Variants in POM121C observed in about 807,000 individuals in gnomAD.
POM121C encodes the protein POM121 transmembrane nucleoporin C.
Under a neutral mutation model 66.4 loss-of-function variants are expected in POM121C, and 20 were observed. The ratio of observed to expected loss-of-function variants is 0.30; its 90% confidence interval spans 0.21 to 0.44. POM121C has a LOEUF of 0.44. Among genes scored for constraint, POM121C ranks in the 20% least tolerant of loss-of-function variants. The pLI, the probability that POM121C is intolerant of heterozygous loss-of-function variation, is 1.00. For synonymous variants in POM121C, 286 were observed against 528.0 expected (o/e 0.54, Z 6.28); for missense variants, 580 against 1,225.7 (o/e 0.47, Z 7.87).
At chr7:75,485,457 G>T (rs1231591778) in intron 1 of POM121C, among the ~76,000 whole-genome samples, 7 of 152,158 alleles carry the variant, frequency 4.6e-5, no homozygotes, top group African/African-American at 7.2e-5. Context: ...CAGCAGCAGA[G>T]AATCCCTGCA....
At chr7:75,462,716 G>C (rs1291833463) in intron 3 of POM121C, among the ~76,000 whole-genome samples, 21 of 151,542 alleles carry the variant, frequency 1.4e-4, no homozygotes, top group Non-Finnish European at 3.1e-4. Context: ...CAGAAAAGTG[G>C]CTACACAGAG....
At chr7:75,465,476 C>T (rs587706361) in intron 3 of POM121C, among the ~76,000 whole-genome samples, 1 of 151,458 alleles carries the variant, frequency 6.6e-6, no homozygotes. Flanking sequence ...TGAGTCCGGC[C>T]TGGCACAGTG....
rs1792510453 is a variant in POM121C at position 75,485,748 on chromosome 7, C to T, written c.-458+116G>A. ...CCGGACCCTGCCCTCAAACCCAACA[C>T]ATGTCTCTCCGGCAAGCAATCGGGA... On this transcript the variant is annotated intron_variant, in intron 1 of 14. Coordinates refer to ENST00000615331, the MANE Select transcript of POM121C (RefSeq NM_001099415.3). 2.3e-5 allele frequency: 9 copies of T among 399,956 alleles called. 1 individual carries two copies. Among genetic ancestry groups the T allele is most frequent in the South Asian group, 1.6e-4 (9 of 55,058 alleles). 24.8% of individuals were successfully genotyped at this position (399,956 alleles called of 1,614,324 possible).
chr7:75,468,710 T>C (rs1385450435), intron 3 of POM121C, among the ~76,000 whole-genome samples: 6 of 152,156 alleles, frequency 3.9e-5, no homozygotes, highest in Admixed American at 6.6e-5. Context: ...TTTGGATATC[T>C]AACTAACACC....
chr7:75,419,425 A>G lies in POM121C; in HGVS notation c.2761T>C (p.Phe921Leu). 1 of 1,613,538 alleles carries G rather than the reference A, an allele frequency of 6.2e-7. No individual in the cohort carries two copies. The highest frequency in any genetic ancestry group is 2.2e-5 in the East Asian group (1 of 44,866). Reference protein sequence around the residue: ...PVFGGTATPTFGQNTPAPGVG... With the variant: ...PVFGGTATPTLGQNTPAPGVG... The stretch of plus-strand genomic sequence containing the variant: ...CCAGGCGCAGGGGTGTTCTGACCAA[A>G]GGTGGGGGTGGCGGTGCCTGGAATG... Residue 921 changes from phenylalanine (F) to leucine (L), a missense_variant, in exon 14 of 15, where the codon TTT becomes CTT. Transcript: ENST00000615331.
chr7:75,479,547 C>T lies in POM121C; in HGVS notation c.-457-4359G>A, dbSNP rs587766289. Among the ~76,000 whole-genome samples, 750 of 147,162 alleles carry T rather than the reference C, an allele frequency of 5.1e-3. 38 individuals carry two copies. Among genetic ancestry groups the T allele is most frequent in the African/African-American group, 0.015 (555 of 37,066 alleles). On this transcript the variant is annotated intron_variant, in intron 1 of 14. Coordinates refer to ENST00000615331, the MANE Select transcript of POM121C (RefSeq NM_001099415.3). ...AGGAGAATCACTTGAACCCAGGAGG[C>T]AGAGGTTGCAGTGGGCCAAGATAGC...
intron 1 of POM121C, among the ~76,000 whole-genome samples, chr7:75,476,794 A>G (rs1792096942): frequency 6.6e-6 from 1 of 152,234 alleles, no homozygotes; most frequent in African/African-American, 2.4e-5. Context: ...GATTAAAAAC[A>G]TAATATACAA....
At chr7:75,485,142 G>C (rs1164457311) in intron 1 of POM121C, among the ~76,000 whole-genome samples, 1 of 152,050 alleles carries the variant, frequency 6.6e-6, no homozygotes, top group African/African-American at 2.4e-5. Flanking sequence ...ACTGCATCCC[G>C]CCCGCATTTT....
intron 7 of POM121C, among the ~76,000 whole-genome samples, chr7:75,427,116 T>C (rs1789974043): frequency 6.6e-6 from 1 of 152,092 alleles, no homozygotes; most frequent in South Asian, 2.1e-4. Flanking sequence ...TTTCATTTAG[T>C]AACTTCATTT....
chr7:75,485,813 G>A (rs1792515521), intron 1 of POM121C, 51 bp downstream of exon 1: 3 of 483,592 alleles, frequency 6.2e-6, no homozygotes, highest in Middle Eastern at 5.5e-4. Flanking sequence ...CCAACACAAG[G>A]TGACTTCACC....
intron 7 of POM121C, among the ~76,000 whole-genome samples, chr7:75,427,093 T>C (rs1181126821): frequency 6.6e-6 from 1 of 151,780 alleles, no homozygotes; most frequent in East Asian, 1.9e-4. Context: ...TTGCTTCCAT[T>C]AAATTTTCGA....
rs416185 is a variant in POM121C, at chr7:75,424,148, T to G, written c.949A>C (p.Thr317Pro). Residue 317 changes from threonine to proline, a missense_variant, in exon 12 of 15, where the codon ACT becomes CCT. Coordinates refer to ENST00000615331, the MANE Select transcript of POM121C (RefSeq NM_001099415.3). ...SFTFTLPAAA[T>P]ASPPTSLLAP... ...AGGAGGGAGGTGGGTGGGGAGGCAGTTGCAGCAGCAGGCAGGGTAAAGGTA... is the reference window on the plus strand; with the variant it reads ...AGGAGGGAGGTGGGTGGGGAGGCAGGTGCAGCAGCAGGCAGGGTAAAGGTA... 1.2e-3 allele frequency: 2,008 copies of G among 1,608,434 alleles called. 12 individuals are homozygous for G. The highest frequency in any genetic ancestry group is 5.7e-3 in the East Asian group (253 of 44,758).
At chr7:75,432,166 CAG>C in intron 7 of POM121C, among the ~76,000 whole-genome samples, 1 of 123,562 alleles carries the variant, frequency 8.1e-6, no homozygotes, top group Non-Finnish European at 1.6e-5. Context: ...GCCTGGGTGA[CAG>C]AGCGAGAATC....
chr7:75,428,374 G>A (rs1316490447), intron 7 of POM121C, among the ~76,000 whole-genome samples: 6 of 152,092 alleles, frequency 3.9e-5, no homozygotes, highest in African/African-American at 7.2e-5. Context: ...TCTTGACCTC[G>A]TGATCTGCCC....
At chr7:75,484,223 T>A in intron 1 of POM121C, 1 of 1,609,882 alleles carries the variant, frequency 6.2e-7, no homozygotes, top group Non-Finnish European at 8.5e-7. Context: ...TTTCTGCTGC[T>A]CTTGGAAACA....
At chr7:75,437,811 C>CT in intron 6 of POM121C, 125 bp from the exon 7 acceptor site, 1 of 1,370,496 alleles carries the variant, frequency 7.3e-7, no homozygotes, top group Admixed American at 3.0e-5. Flanking sequence ...ATTTTTACTG[C>CT]TAACAATCTG....
At position 75,474,963 on chromosome 7, in the gene POM121C, G is replaced by A. The variant is rs587721301; in HGVS notation, c.-330-81C>T. 3,455 of 1,336,280 alleles carry A rather than the reference G, an allele frequency of 2.6e-3. 41 individuals carry two copies. The highest frequency in any genetic ancestry group is 0.024 in the Middle Eastern group (119 of 5,060). 82.8% of individuals were successfully genotyped at this position (1,336,280 alleles called of 1,614,324 possible). ...AAGAATAATATAAACACTGCAGCTA[G>A]TGCCCACAAGGAATTAAATGGTGTT... On this transcript the variant is annotated intron_variant, in intron 2 of 14. Coordinates refer to ENST00000615331, the MANE Select transcript of POM121C (RefSeq NM_001099415.3).
intron 3 of POM121C, among the ~76,000 whole-genome samples, chr7:75,459,741 C>T (rs2116476171): frequency 7.7e-6 from 1 of 129,250 alleles, no homozygotes; most frequent in East Asian, 2.5e-4. Flanking sequence ...AATATAATCT[C>T]GAGTTTAAAA....
intron 3 of POM121C, among the ~76,000 whole-genome samples, chr7:75,456,183 G>A (rs1411531389): frequency 6.6e-6 from 1 of 152,218 alleles, no homozygotes; most frequent in African/African-American, 2.4e-5. Context: ...ACGCTGCAGT[G>A]AGGTATGATC....
Sources: allele counts gnomAD v4.1 joint callset (sites outside exome capture counted in the v4.1 genomes callset), GRCh38; gene constraint gnomAD v4.1.1; transcripts MANE v1.5; gene names NCBI Gene and HGNC (gene_info 2026-07-23, HGNC 2026-07-21).